Variants in SMCHD1 observed in about 807,000 individuals in gnomAD.
The protein encoded by SMCHD1 is structural maintenance of chromosomes flexible hinge domain-containing protein 1.
In SMCHD1, 78 loss-of-function variants were observed where a neutral mutation model predicts 254.7. That is an observed-to-expected ratio of 0.31 (90% CI 0.26 to 0.37). The LOEUF (loss-of-function observed/expected upper bound fraction) is 0.37, where lower values mean the gene tolerates loss of function less well. Ranked by LOEUF, SMCHD1 falls within the 10% of genes least tolerant of loss-of-function variation. The pLI is 1.00. For synonymous variants in SMCHD1, 766 were observed against 794.9 expected, an observed-to-expected ratio of 0.96 and a Z score of 0.61; for missense variants, 1,840 against 2,408.1, an observed-to-expected ratio of 0.76 and a Z score of 4.94.
rs1471057872 is a variant in SMCHD1 at position 2,796,582 on chromosome 18, G to C, written c.5993+61G>C. 31 of 1,112,908 alleles carry C rather than the reference G, an allele frequency of 2.8e-5. No individual in the cohort carries two copies. In the Middle Eastern group the frequency reaches 5.8e-4, roughly 21 times the overall value. 68.9% of individuals were successfully genotyped at this position (1,112,908 alleles called of 1,614,324 possible). ...GTTTACCAAAGTTCTTGGGTCTCAT[G>C]ATAGCTTTGTTTTTTTGAGATGAAG... is the stretch of plus-strand genomic sequence containing the variant. On this transcript the variant is annotated intron_variant, in intron 47 of 47. Coordinates refer to ENST00000320876, the MANE Select transcript of SMCHD1 (RefSeq NM_015295.3).
chr18:2,656,523 C>G (rs1254912833), intron 1 of SMCHD1, among the ~76,000 whole-genome samples: 1 of 152,252 alleles, frequency 6.6e-6, no homozygotes, highest in Non-Finnish European at 1.5e-5. Flanking sequence ...GAGGCCTTGC[C>G]GGCCCGGGTG....
At chr18:2,771,508 G>A (rs1446936456) in intron 39 of SMCHD1, 25 bp from the exon 40 acceptor site, 2 of 1,525,464 alleles carry the variant, frequency 1.3e-6, no homozygotes, top group Non-Finnish European at 1.8e-6. Flanking sequence ...AGAAATTGAT[G>A]CAAATTTTTG....
At chr18:2,684,421 C>A (rs949096753) in intron 5 of SMCHD1, among the ~76,000 whole-genome samples, 1 of 151,962 alleles carries the variant, frequency 6.6e-6, no homozygotes, top group Non-Finnish European at 1.5e-5. Flanking sequence ...TTAATATATT[C>A]ATTCTAGCTT....
chr18:2,736,697 A>G (rs183107340), intron 25 of SMCHD1, among the ~76,000 whole-genome samples: 2 of 152,318 alleles, frequency 1.3e-5, no homozygotes, highest in East Asian at 3.9e-4. Context: ...AAAAGCAAAG[A>G]GATACCATCT....
rs2076410278 is a variant in SMCHD1, at chr18:2,804,163, T to TAATA, written c.*1612_*1615dup. On this transcript the variant is annotated 3_prime_UTR_variant, in exon 48 of 48. Transcript: ENST00000320876. Reference sequence around the variant, plus strand: ...TAGGAACTAGACTTGAACGTATAATTAATATGTGGAACTAGTTTGCTTTTA... The same window carrying TAATA: ...TAGGAACTAGACTTGAACGTATAATTAATAAATATGTGGAACTAGTTTGCTTTTA... The TAATA allele has an allele frequency of 6.6e-6, 1 of 152,214 alleles. No individual in the cohort carries two copies. The highest frequency in any genetic ancestry group is 1.5e-5 in the Non-Finnish European group (1 of 68,042). 9.4% of individuals were successfully genotyped at this position (152,214 alleles called of 1,614,324 possible).
intron 12 of SMCHD1, among the ~76,000 whole-genome samples, chr18:2,702,550 T>G (rs1429535349): frequency 6.6e-6 from 1 of 152,168 alleles, no homozygotes; most frequent in Non-Finnish European, 1.5e-5. Flanking sequence ...AGTTACTAAT[T>G]TAATCTCCAT....
chr18:2,681,238 C>T (rs776360646), intron 5 of SMCHD1, among the ~76,000 whole-genome samples: 9 of 151,970 alleles, frequency 5.9e-5, no homozygotes, highest in South Asian at 2.1e-4. Context: ...CATGGCGAAA[C>T]GCTGTCTCTA....
intron 37 of SMCHD1, among the ~76,000 whole-genome samples, chr18:2,766,288 C>T (rs1034229671): frequency 2.0e-5 from 3 of 152,216 alleles, no homozygotes; most frequent in Non-Finnish European, 2.9e-5. Flanking sequence ...CCGCCGTGCC[C>T]GGCCTGTCTC....
intron 13 of SMCHD1, among the ~76,000 whole-genome samples, chr18:2,704,988 G>T (rs1355806079): frequency 6.6e-6 from 1 of 152,138 alleles, no homozygotes; most frequent in Non-Finnish European, 1.5e-5. Context: ...CAAGTGAAGA[G>T]TTACAAGAAG....
intron 5 of SMCHD1, among the ~76,000 whole-genome samples, chr18:2,682,491 T>G (rs2073955845): frequency 6.6e-6 from 1 of 152,076 alleles, no homozygotes; most frequent in Non-Finnish European, 1.5e-5. Context: ...CCTGAAAAAT[T>G]TTGTACTTTT....
chr18:2,697,255 ATTGT>A, intron 9 of SMCHD1, 133 bp downstream of exon 9: 1 of 506,516 alleles, frequency 2.0e-6, no homozygotes, highest in Non-Finnish European at 3.6e-6. Context: ...AACTACTTTC[ATTGT>A]TTGATATCCA....
chr18:2,674,031 A>C lies in SMCHD1; in HGVS notation c.524A>C (p.Gln175Pro). ...GTTTCATAGCTTTTTGATGAAACACAAGGAAAACCTGCTGTTGCAGTGATA... is the reference window on the plus strand; with the variant it reads ...GTTTCATAGCTTTTTGATGAAACACCAGGAAAACCTGCTGTTGCAGTGATA... ...IQIKLLFDET[Q>P]GKPAVAVIDN... Residue 175 changes from glutamine (Q) to proline (P), a missense_variant, in exon 5 of 48, where the codon CAA (glutamine) becomes CCA (proline). By Grantham distance (76) the Gln-to-Pro change is moderately conservative. Around this residue, in one of 9 missense-constraint regions of SMCHD1, gnomAD observed 498 missense variants for 743.5 expected, o/e 0.67. Transcript: ENST00000320876. 6.3e-7 allele frequency: 1 copy of C among 1,588,278 alleles called. No homozygotes were observed. The highest frequency in any genetic ancestry group is 8.6e-7 in the Non-Finnish European group (1 of 1,167,966).
At chr18:2,764,401 C>G (rs2075834530) in intron 37 of SMCHD1, among the ~76,000 whole-genome samples, 1 of 152,080 alleles carries the variant, frequency 6.6e-6, no homozygotes, top group Non-Finnish European at 1.5e-5. Flanking sequence ...TTCAACATCT[C>G]TAATATATTC....
intron 5 of SMCHD1, among the ~76,000 whole-genome samples, chr18:2,675,087 G>T (rs1010012648): frequency 6.6e-6 from 1 of 152,108 alleles, no homozygotes; most frequent in African/African-American, 2.4e-5. Context: ...ACTTCTCTGT[G>T]CCTCAGCTTA....
At chr18:2,701,613 G>T (rs1053499240) in intron 12 of SMCHD1, among the ~76,000 whole-genome samples, 6 of 152,164 alleles carry the variant, frequency 3.9e-5, no homozygotes, top group African/African-American at 7.2e-5. Context: ...TAAAAATGGG[G>T]TAAAACTGTG....
chr18:2,754,284 A>T (rs192439710), intron 34 of SMCHD1, among the ~76,000 whole-genome samples: 1 of 152,222 alleles, frequency 6.6e-6, no homozygotes, highest in Non-Finnish European at 1.5e-5. Flanking sequence ...CCCAATACCA[A>T]TGCCAGGTTT....
intron 36 of SMCHD1, among the ~76,000 whole-genome samples, chr18:2,762,495 T>A (rs936611745): frequency 7.0e-6 from 1 of 143,258 alleles, no homozygotes; most frequent in African/African-American, 2.5e-5. Context: ...TGCCTACCTT[T>A]TTTTTTTTTT....
chr18:2,790,743 A>G (rs2076305905), intron 45 of SMCHD1, among the ~76,000 whole-genome samples: 1 of 152,268 alleles, frequency 6.6e-6, no homozygotes, highest in South Asian at 2.1e-4. Context: ...TCTGGGCAAC[A>G]GAGCGAGATT....
intron 34 of SMCHD1, among the ~76,000 whole-genome samples, chr18:2,756,354 A>C (rs2075677876): frequency 1.3e-5 from 2 of 152,174 alleles, no homozygotes; most frequent in African/African-American, 4.8e-5. Context: ...TTTGCTGTCT[A>C]CATCATGTAG....
Sources: gnomAD v4.1 joint callset for allele counts (sites outside exome capture counted in the v4.1 genomes callset) on GRCh38, gnomAD v4.1.1 for gene constraint, gnomAD v4.1.1 regional missense constraint, MANE v1.5 for transcripts, NCBI Gene and HGNC (gene_info 2026-07-23, HGNC 2026-07-21) for gene names.